MN1: variants seen among roughly 807,000 people sequenced by gnomAD.
The protein encoded by MN1 is transcriptional activator MN1.
A neutral mutation model predicts 86.9 loss-of-function variants in MN1; 19 were observed. That is an observed-to-expected ratio of 0.22 (90% confidence interval 0.15 to 0.32). MN1 has a LOEUF of 0.32. Among genes scored for constraint, MN1 ranks in the 10% least tolerant of loss-of-function variants. The pLI is 1.00. For missense variants in MN1, 1,841 were observed against 1,862.0 expected, an observed-to-expected ratio of 0.99 and a Z score of 0.21; for synonymous variants, 928 against 849.6, an observed-to-expected ratio of 1.09 and a Z score of -1.60.
Position 27,774,606 on chromosome 22 carries a change from A to G in MN1, c.3781+22157T>C, listed in dbSNP as rs141385270. Among the ~76,000 whole-genome samples, 443 of 152,216 alleles carry G rather than the reference A, an allele frequency of 2.9e-3. 4 individuals carry two copies. The highest frequency in any genetic ancestry group is 9.9e-3 in the African/African-American group (412 of 41,534). Reference sequence around the variant, plus strand: ...GGTACCTACATTTTTTTCCTCCAATATTAGGAATAAATGATAATAATACCA... The same window carrying G: ...GGTACCTACATTTTTTTCCTCCAATGTTAGGAATAAATGATAATAATACCA... On this transcript the variant is annotated intron_variant, in intron 1 of 1. Coordinates refer to ENST00000302326, the MANE Select transcript of MN1 (RefSeq NM_002430.3).
chr22:27,774,529 T>A (rs1932951763), intron 1 of MN1, among the ~76,000 whole-genome samples: 2 of 152,202 alleles, frequency 1.3e-5, no homozygotes, highest in South Asian at 4.1e-4. Flanking sequence ...CTCCTGGCTA[T>A]CCACGGAGGT....
At chr22:27,774,845 G>GCCACTGGCAGACTAGAC (rs1327063104) in intron 1 of MN1, among the ~76,000 whole-genome samples, 1 of 152,136 alleles carries the variant, frequency 6.6e-6, no homozygotes, top group African/African-American at 2.4e-5. Flanking sequence ...ACCAACCTAA[G>GCCACTGGCAGACTAGAC]CCACTGGCAG....
chr22:27,762,026 G>T lies in MN1; in HGVS notation c.3782-10930C>A, dbSNP rs45458493. Among the ~76,000 whole-genome samples, 539 of 152,296 alleles carry T rather than the reference G, an allele frequency of 3.5e-3. 22 individuals carry two copies. The East Asian group carries it at 0.085, about 24-fold the overall frequency. The stretch of plus-strand genomic sequence containing the variant: ...GGGGATGAGGTGGTGCATGACAGCC[G>T]CGGACGGCAGGATGGACAGAGTGGG... On this transcript the variant is annotated intron_variant, in intron 1 of 1. Transcript: ENST00000302326.
intron 1 of MN1, among the ~76,000 whole-genome samples, chr22:27,778,080 G>A (rs1444929979): frequency 6.6e-6 from 1 of 152,092 alleles, no homozygotes; most frequent in Non-Finnish European, 1.5e-5. Flanking sequence ...CAGAGTAGAA[G>A]GTGTGATTAA....
chr22:27,757,333 C>T (rs931159174), intron 1 of MN1, among the ~76,000 whole-genome samples: 2 of 152,220 alleles, frequency 1.3e-5, no homozygotes, highest in African/African-American at 4.8e-5. Flanking sequence ...CCGCACCCGG[C>T]GCACTCTTAC....
chr22:27,775,358 G>A (rs143027894), intron 1 of MN1, among the ~76,000 whole-genome samples: 3 of 152,254 alleles, frequency 2.0e-5, no homozygotes, highest in Non-Finnish European at 2.9e-5. Flanking sequence ...TTCTTGGTAC[G>A]CAGGAATCGA....
At position 27,801,702 on chromosome 22, in the gene MN1, T is replaced by A. The variant is rs1314445571; in HGVS notation, c.-1159A>T. Among the ~76,000 whole-genome samples the A allele has an allele frequency of 6.6e-6, 1 of 152,018 alleles. No homozygotes were observed. Among genetic ancestry groups the A allele is most frequent in the African/African-American group, 2.4e-5 (1 of 41,362 alleles). On this transcript the variant is annotated 5_prime_UTR_variant, in exon 1 of 2. Transcript: ENST00000302326. The stretch of plus-strand genomic sequence containing the variant: ...GGCTCTGCGTGGGGCGTTCCGAGGG[T>A]CTCGGCTCCCCTCTCTGTGTCTGCC...
intron 1 of MN1, 65 bp from the exon 2 acceptor site, chr22:27,751,161 G>A (rs771921718): frequency 8.2e-5 from 115 of 1,402,908 alleles, no homozygotes; most frequent in African/African-American, 1.0e-4. Flanking sequence ...ACCATAATGG[G>A]GGCCAAAGTG....
intron 1 of MN1, among the ~76,000 whole-genome samples, chr22:27,763,948 A>C (rs1932851112): frequency 6.6e-6 from 1 of 152,204 alleles, no homozygotes; most frequent in Admixed American, 6.5e-5. Flanking sequence ...CAAGCTTTGC[A>C]GGAAGAGGAG....
chr22:27,783,857 G>A (rs1227092256), intron 1 of MN1, among the ~76,000 whole-genome samples: 3 of 152,178 alleles, frequency 2.0e-5, no homozygotes, highest in Admixed American at 6.5e-5. Context: ...AGGCGAGTCC[G>A]AATATCTCCA....
intron 1 of MN1, among the ~76,000 whole-genome samples, chr22:27,794,012 C>T (rs912891171): frequency 6.6e-6 from 1 of 152,048 alleles, no homozygotes; most frequent in Admixed American, 6.6e-5. Flanking sequence ...AATGCTGGGG[C>T]TGGTACCTAG....
At chr22:27,782,195 C>T (rs1159985919) in intron 1 of MN1, among the ~76,000 whole-genome samples, 1 of 152,168 alleles carries the variant, frequency 6.6e-6, no homozygotes, top group Non-Finnish European at 1.5e-5. Flanking sequence ...GTGACCAGAC[C>T]ACAGGGTCTG....
At chr22:27,762,286 G>A (rs920474964) in intron 1 of MN1, among the ~76,000 whole-genome samples, 1 of 152,142 alleles carries the variant, frequency 6.6e-6, no homozygotes, top group African/African-American at 2.4e-5. Context: ...CAGCCCGTCG[G>A]TTCTGAGGAA....
At chr22:27,751,309 C>T (rs1450057365) in intron 1 of MN1, among the ~76,000 whole-genome samples, 1 of 152,246 alleles carries the variant, frequency 6.6e-6, no homozygotes, top group African/African-American at 2.4e-5. Context: ...AAGGGAAGAC[C>T]TCCCTGTTGG....
In MN1 at chr22:27,798,639, C is replaced by A; in HGVS notation, c.1905G>T (p.Pro635=). Residue 635 remains proline (P), a synonymous_variant, in exon 1 of 2, where the codon CCG becomes CCT. Coordinates refer to ENST00000302326, the MANE Select transcript of MN1 (RefSeq NM_002430.3). Reference sequence around the variant, plus strand: ...GCAGCAGGTCTCCGGGCGGCGGATGCGGACCTGAGAACCACGCGCTCTCTT... The same window carrying A: ...GCAGCAGGTCTCCGGGCGGCGGATGAGGACCTGAGAACCACGCGCTCTCTT... ...LAQESAWFSG[P]HPPPGDLLPR... 6.4e-7 allele frequency: 1 copy of A among 1,560,262 alleles called. No homozygotes were observed. Among genetic ancestry groups the A allele is most frequent in the Non-Finnish European group, 8.6e-7 (1 of 1,161,700 alleles).
intron 1 of MN1, among the ~76,000 whole-genome samples, chr22:27,792,157 G>A: frequency 6.6e-6 from 1 of 151,896 alleles, no homozygotes; most frequent in African/African-American, 2.4e-5. Flanking sequence ...AGAGAAATTA[G>A]ATTAACTAAC....
rs570653577 is a variant in MN1 at position 27,800,812 on chromosome 22, C to T, written c.-269G>A. The T allele has an allele frequency of 7.4e-6, 4 of 539,758 alleles. No individual in the cohort carries two copies. Among genetic ancestry groups the T allele is most frequent in the Non-Finnish European group, 1.3e-5 (4 of 305,742 alleles). 33.4% of individuals were successfully genotyped at this position (539,758 alleles called of 1,614,324 possible). A position where few individuals can be genotyped will look rare whatever the true frequency, so the allele number is the denominator to read the frequency against. ...TAGGAGCCGTGTTGGGGGGCCCATG[C>T]CCCGGGCGGTTGTCACAGCCGCGGG... is the stretch of plus-strand genomic sequence containing the variant. On this transcript the variant is annotated 5_prime_UTR_variant, in exon 1 of 2. Coordinates refer to ENST00000302326, the MANE Select transcript of MN1 (RefSeq NM_002430.3).
chr22:27,777,220 G>C (rs1455778233), intron 1 of MN1, among the ~76,000 whole-genome samples: 1 of 152,178 alleles, frequency 6.6e-6, no homozygotes, highest in Non-Finnish European at 1.5e-5. Context: ...GCGTGGATTT[G>C]GAGAGAGACG....
chr22:27,796,424 G>A (rs909633946), intron 1 of MN1, among the ~76,000 whole-genome samples: 7 of 149,520 alleles, frequency 4.7e-5, no homozygotes, highest in Non-Finnish European at 1.0e-4. Flanking sequence ...GGGTCTTAGT[G>A]TGAAAGGGAA....
Sources: allele counts gnomAD v4.1 joint callset (sites outside exome capture counted in the v4.1 genomes callset), GRCh38; gene constraint gnomAD v4.1.1; transcripts MANE v1.5; gene names NCBI Gene and HGNC (gene_info 2026-07-23, HGNC 2026-07-21).